Variants in PIK3CA observed in about 807,000 individuals in gnomAD.
PIK3CA encodes the protein phosphatidylinositol-4,5-bisphosphate 3-kinase catalytic subunit alpha.
Under a neutral mutation model 138.2 loss-of-function variants are expected in PIK3CA, and 27 were observed. The ratio of observed to expected loss-of-function variants is 0.20; its 90% CI spans 0.14 to 0.27. The LOEUF (loss-of-function observed/expected upper bound fraction) is 0.27. Among genes scored for constraint, PIK3CA ranks in the 10% least tolerant of loss-of-function variants. PIK3CA has a pLI of 1.00. For synonymous variants in PIK3CA, 358 were observed against 413.2 expected (o/e 0.87, Z 1.62); for missense variants, 544 against 1,277.4 (o/e 0.43, Z 8.75).
rs2108411896 is a variant in PIK3CA at position 179,219,973 on chromosome 3, G to A, written c.1936G>A (p.Asp646Asn). Residue 646 changes from aspartate (D) to asparagine (N), a missense_variant, in exon 13 of 21, where the codon GAT becomes AAT. Asp to Asn is a conservative substitution (Grantham distance 23). Coordinates refer to ENST00000263967, the MANE Select transcript of PIK3CA (RefSeq NM_006218.4). The surrounding 1 kb of genome is among the most constrained non-coding windows in gnomAD (Gnocchi z 4.2). ...GGTCCTAAAATATGAACAATATTTG[G>A]ATAACTTGCTTGTGAGATTTTTACT... ...VQVLKYEQYLDNLLVRFLLKK... is the reference protein window; with the variant it reads ...VQVLKYEQYLNNLLVRFLLKK... 6.2e-7 allele frequency: 1 copy of A among 1,605,722 alleles called. No homozygotes were observed. The highest frequency in any genetic ancestry group is 8.5e-7 in the Non-Finnish European group (1 of 1,177,076).
At chr3:179,149,134 A>G (rs935459851) in intron 1 of PIK3CA, among the ~76,000 whole-genome samples, 11 of 152,212 alleles carry the variant, frequency 7.2e-5, no homozygotes, top group Admixed American at 6.5e-4. Context: ...GGGGTATGGA[A>G]GGAACACCGC....
chr3:179,176,309 C>T (rs1723696336), intron 1 of PIK3CA, among the ~76,000 whole-genome samples: 1 of 152,146 alleles, frequency 6.6e-6, no homozygotes, highest in African/African-American at 2.4e-5. Context: ...TTCCAGGAAC[C>T]TCCTAGTCCT....
In PIK3CA at chr3:179,238,190, A is replaced by G. The variant is rs1184309715; in HGVS notation, c.*3826A>G. ...AGAGTATATTGTATACCGTAAGAGAATCAACTCTTCATCATGGATGGGATT... is the reference window on the plus strand; with the variant it reads ...AGAGTATATTGTATACCGTAAGAGAGTCAACTCTTCATCATGGATGGGATT... On this transcript the variant is annotated 3_prime_UTR_variant, in exon 21 of 21. Coordinates refer to ENST00000263967, the MANE Select transcript of PIK3CA (RefSeq NM_006218.4). 4.5e-6 allele frequency: 1 copy of G among 221,986 alleles called. No individual in the cohort carries two copies. The highest frequency in any genetic ancestry group is 9.0e-6 in the Non-Finnish European group (1 of 110,896). 13.8% of individuals were successfully genotyped at this position (221,986 alleles called of 1,614,324 possible).
In PIK3CA at chr3:179,196,928, C is replaced by T. The variant is rs148297022; in HGVS notation, c.-76-1822C>T. Among the ~76,000 whole-genome samples the T allele has an allele frequency of 5.1e-3, 771 of 152,204 alleles. 3 individuals carry two copies. Among genetic ancestry groups the T allele is most frequent in the Non-Finnish European group, 8.2e-3 (558 of 67,996 alleles). On this transcript the variant is annotated intron_variant, in intron 1 of 20. Transcript: ENST00000263967. ...GTAGACAGAATAAAGAGAGAATTAA[C>T]GAAGCTTGTTGATGGGTTAGATGTT...
intron 9 of PIK3CA, among the ~76,000 whole-genome samples, chr3:179,216,443 TAC>T (rs1724838423): frequency 6.6e-6 from 1 of 152,154 alleles, no homozygotes; most frequent in Non-Finnish European, 1.5e-5. Context: ...ATTTACCTGA[TAC>T]ACTTTCTAAA....
intron 2 of PIK3CA, 50 bp from the exon 3 acceptor site, chr3:179,199,640 A>T (rs1298368305): frequency 7.8e-7 from 1 of 1,284,858 alleles, no homozygotes; most frequent in Non-Finnish European, 1.1e-6. Context: ...AAACATGTTC[A>T]TGCTGTGTAT....
Position 179,237,747 on chromosome 3 carries a change from C to T in PIK3CA, c.*3383C>T, listed in dbSNP as rs868098625. The T allele has an allele frequency of 4.8e-6, 1 of 210,486 alleles. No individual in the cohort carries two copies. The highest frequency in any genetic ancestry group is 2.3e-5 in the African/African-American group (1 of 44,052). The allele number at this position is 210,486 out of a possible 1,614,324, so 13.0% of individuals were successfully genotyped here. A position where few individuals can be genotyped will look rare whatever the true frequency, so the allele number is the denominator to read the frequency against. On this transcript the variant is annotated 3_prime_UTR_variant, in exon 21 of 21. Coordinates refer to ENST00000263967, the MANE Select transcript of PIK3CA (RefSeq NM_006218.4). ...TTGTTTTTTCTTAATGATGTAAATC[C>T]GTTTAATTCATACTTTGATCAATAG...
At chr3:179,222,613 A>C (rs1450521624) in intron 14 of PIK3CA, among the ~76,000 whole-genome samples, 2 of 152,208 alleles carry the variant, frequency 1.3e-5, no homozygotes, top group Non-Finnish European at 2.9e-5. Flanking sequence ...TATCCAAAAA[A>C]TGCTGGCCAC....
intron 1 of PIK3CA, among the ~76,000 whole-genome samples, chr3:179,196,798 T>C (rs1170744968): frequency 6.6e-6 from 1 of 152,300 alleles, no homozygotes; most frequent in Non-Finnish European, 1.5e-5. Context: ...AGGTGGATTA[T>C]AGGGGGCAGG....
chr3:179,231,824 G>A (rs1725220412), intron 20 of PIK3CA, among the ~76,000 whole-genome samples: 1 of 151,340 alleles, frequency 6.6e-6, no homozygotes, highest in Admixed American at 6.6e-5. Flanking sequence ...TGAATTTTTA[G>A]TAGAGACGGG....
rs199605762 is a variant in PIK3CA at position 179,203,684 on chromosome 3, G to A, written c.954G>A (p.Met318Ile). 5.6e-6 allele frequency: 9 copies of A among 1,613,662 alleles called. No individual in the cohort carries two copies. Among genetic ancestry groups the A allele is most frequent in the Non-Finnish European group, 7.6e-6 (9 of 1,179,910 alleles). ...GCATTTCCACAGCTACACCATATAT[G>A]AATGGAGAAACATCTACAAAATCCC... Reference protein sequence around the residue: ...SRRISTATPYMNGETSTKSLW... With the variant: ...SRRISTATPYINGETSTKSLW... The change falls in exon 5 of 21, where the codon ATG becomes ATA. Residue 318 changes from methionine to isoleucine, a missense_variant. By Grantham distance (10) the Met-to-Ile change is conservative. This residue lies in a region of PIK3CA where 234 missense variants were observed against 401.3 expected (regional missense o/e 0.58). Transcript: ENST00000263967.
intron 1 of PIK3CA, among the ~76,000 whole-genome samples, chr3:179,171,149 T>C (rs946631641): frequency 2.1e-5 from 3 of 141,214 alleles, no homozygotes; most frequent in African/African-American, 8.3e-5. Context: ...AAGAAATAAG[T>C]AAAATCCCCA....
At chr3:179,185,628 T>G (rs796489926) in intron 1 of PIK3CA, among the ~76,000 whole-genome samples, 5 of 152,224 alleles carry the variant, frequency 3.3e-5, no homozygotes, top group Non-Finnish European at 7.3e-5. Flanking sequence ...TTCAGGTTGT[T>G]TTACTTGTGC....
intron 5 of PIK3CA, among the ~76,000 whole-genome samples, chr3:179,204,112 G>A (rs1724494608): frequency 6.6e-6 from 1 of 152,168 alleles, no homozygotes; most frequent in African/African-American, 2.4e-5. Flanking sequence ...ACCCCACTTA[G>A]TATAAAATTC....
At chr3:179,205,481 A>G (rs1312476356) in intron 6 of PIK3CA, among the ~76,000 whole-genome samples, 1 of 152,216 alleles carries the variant, frequency 6.6e-6, no homozygotes, top group African/African-American at 2.4e-5. Context: ...CTCCATCATC[A>G]TTCACATGAA....
At position 179,205,020 on chromosome 3, in the gene PIK3CA, C is replaced by CAAAAAAAAAAAAA. The variant is rs574908621; in HGVS notation, c.1145+456_1145+468dup. Among the ~76,000 whole-genome samples the CAAAAAAAAAAAAA allele has an allele frequency of 2.2e-4, 12 of 53,378 alleles. 1 individual carries two copies. Among genetic ancestry groups the CAAAAAAAAAAAAA allele is most frequent in the Non-Finnish European group, 3.8e-4 (11 of 28,836 alleles). The allele number at this position is 53,378 out of a possible 152,430, so 35.0% of individuals were successfully genotyped here. A position where few individuals can be genotyped will look rare whatever the true frequency, so the allele number is the denominator to read the frequency against. ...TGGGCAACAGAGCGAGACTCCGTCTCAAAAAAAAAAAAAAAAAAAAAAAAA... is the reference window on the plus strand; with the variant it reads ...TGGGCAACAGAGCGAGACTCCGTCTCAAAAAAAAAAAAAAAAAAAAAAAAAAAAAAAAAAAAAA... On this transcript the variant is annotated intron_variant, in intron 6 of 20. Coordinates refer to ENST00000263967, the MANE Select transcript of PIK3CA (RefSeq NM_006218.4).
At position 179,210,176 on chromosome 3, in the gene PIK3CA, G is replaced by T. The variant is rs201600987; in HGVS notation, c.1252-10G>T. The T allele has an allele frequency of 1.3e-6, 2 of 1,559,938 alleles. No individual in the cohort carries two copies. Among genetic ancestry groups the T allele is most frequent in the Non-Finnish European group, 8.6e-7 (1 of 1,161,890 alleles). ...TTTAGACTAGTGAATATTTTTCTTT[G>T]TTTTTTAAGGAACACTGTCCATTGG... On this transcript the variant is annotated splice_polypyrimidine_tract_variant and intron_variant, in intron 7 of 20. Transcript: ENST00000263967.
rs538921787 is a variant in PIK3CA, at chr3:179,197,037, C to CT, written c.-76-1703dup. On this transcript the variant is annotated intron_variant, in intron 1 of 20. Coordinates refer to ENST00000263967, the MANE Select transcript of PIK3CA (RefSeq NM_006218.4). ...TTGTGTTTGTTCAACTCTTGCTTAT[C>CT]TTTTTTTTTTCTTTGTTTTTTGATG... Among the ~76,000 whole-genome samples the CT allele has an allele frequency of 7.5e-4, 112 of 149,760 alleles. 1 individual carries two copies. The highest frequency in any genetic ancestry group is 3.2e-3 in the South Asian group (15 of 4,706).
At chr3:179,209,778 A>G (rs1286424176) in intron 7 of PIK3CA, 78 bp downstream of exon 7, 1 of 672,474 alleles carries the variant, frequency 1.5e-6, no homozygotes, top group Admixed American at 2.8e-5. Flanking sequence ...TTTTTCACAA[A>G]TTGGATGTTA....
Sources: allele counts gnomAD v4.1 joint callset (sites outside exome capture counted in the v4.1 genomes callset), GRCh38; gene constraint gnomAD v4.1.1; regional missense constraint gnomAD v4.1.1; non-coding constraint Gnocchi (gnomAD v3.1); transcripts MANE v1.5; gene names NCBI Gene and HGNC (gene_info 2026-07-23, HGNC 2026-07-21).